Variants in ASIC1 observed in about 807,000 individuals in gnomAD.
ASIC1 encodes acid sensing ion channel subunit 1.
Under a neutral mutation model 63.4 loss-of-function variants are expected in ASIC1, and 21 were observed. The ratio of observed to expected loss-of-function variants is 0.33; its 90% CI spans 0.23 to 0.48. The LOEUF is 0.48. Among genes scored for constraint, ASIC1 ranks in the 20% least tolerant of loss-of-function variants. The pLI is 0.99. For missense variants in ASIC1, 478 were observed against 695.5 expected (o/e 0.69, Z 3.52); for synonymous variants, 258 against 278.2 (o/e 0.93, Z 0.72).
intron 9 of ASIC1, 165 bp downstream of exon 9, chr12:50,080,754 C>T: frequency 6.3e-7 from 1 of 1,588,190 alleles, no homozygotes. Flanking sequence ...GGGAACTGAG[C>T]CTTCTCTTAG....
rs757044510 is a variant in ASIC1 at position 50,079,993 on chromosome 12, C to T, written c.1143C>T (p.Ile381=). The change falls in exon 8 of 12, where the codon ATC becomes ATT. Residue 381 remains isoleucine, a synonymous_variant. Transcript: ENST00000447966. The part of the protein sequence containing the change: ...RYGKELSMVK[I]PSKASAKYLA... ...GCAAAGAGCTGTCCATGGTCAAGAT[C>T]CCCAGCAAAGCCTCAGCCAAGTACC... 6.2e-7 allele frequency: 1 copy of T among 1,614,076 alleles called. No homozygotes were observed. The highest frequency in any genetic ancestry group is 1.3e-5 in the African/African-American group (1 of 75,012).
intron 3 of ASIC1, among the ~76,000 whole-genome samples, chr12:50,066,803 T>C (rs1174667054): frequency 1.3e-5 from 2 of 152,298 alleles, no homozygotes; most frequent in South Asian, 2.1e-4. Flanking sequence ...CTTACTTCAC[T>C]GAGAAAATAG....
intron 3 of ASIC1, among the ~76,000 whole-genome samples, chr12:50,070,459 C>A (rs1950588441): frequency 1.3e-5 from 2 of 151,502 alleles, no homozygotes; most frequent in South Asian, 2.1e-4. Flanking sequence ...GGCTGCGTGT[C>A]TGTGTGGTAA....
At chr12:50,076,081 G>C (rs1226721965) in intron 3 of ASIC1, among the ~76,000 whole-genome samples, 1 of 152,194 alleles carries the variant, frequency 6.6e-6, no homozygotes, top group Non-Finnish European at 1.5e-5. Flanking sequence ...TGTGGTCCTT[G>C]GCATGGCAAC....
Position 50,078,837 on chromosome 12 carries a change from G to C in ASIC1, c.995-87G>C. 1 of 1,493,222 alleles carries C rather than the reference G, an allele frequency of 6.7e-7. No individual in the cohort carries two copies. The highest frequency in any genetic ancestry group is 1.1e-5 in the South Asian group (1 of 88,328). The allele number at this position is 1,493,222 out of a possible 1,614,324, so 92.5% of individuals were successfully genotyped here. A position where few individuals can be genotyped will look rare whatever the true frequency, so the allele number is the denominator to read the frequency against. ...AGTCCTCCCTTCCCATCTTCTCCCAGCTTACACCTTCTAGGCCTTTGGTAC... is the reference window on the plus strand; with the variant it reads ...AGTCCTCCCTTCCCATCTTCTCCCACCTTACACCTTCTAGGCCTTTGGTAC... On this transcript the variant is annotated intron_variant, in intron 6 of 11. Transcript: ENST00000447966. This position sits in a 1 kb window ranked among gnomAD's most constrained non-coding sequence, Gnocchi z 6.0.
At chr12:50,062,002 G>GT (rs1170671031) in intron 3 of ASIC1, among the ~76,000 whole-genome samples, 4 of 152,262 alleles carry the variant, frequency 2.6e-5, no homozygotes, top group Admixed American at 2.0e-4. Flanking sequence ...GGAAGACCAG[G>GT]TTTTTGCTGT....
In ASIC1 at chr12:50,078,231, T is replaced by C; in HGVS notation, c.837+104T>C. On this transcript the variant is annotated intron_variant, in intron 5 of 11. Coordinates refer to ENST00000447966, the MANE Select transcript of ASIC1 (RefSeq NM_001095.4). The surrounding 1 kb of genome is among the most constrained non-coding windows in gnomAD (Gnocchi z 6.0). ...AAGGACAGGTGAGCAAGGACCTGGG[T>C]GGTAATCTGGCTAGTCAGAAGCATG... 6.5e-7 allele frequency: 1 copy of C among 1,532,660 alleles called. No individual in the cohort carries two copies. The highest frequency in any genetic ancestry group is 8.8e-7 in the Non-Finnish European group (1 of 1,139,894). 94.9% of individuals were successfully genotyped at this position (1,532,660 alleles called of 1,614,324 possible).
At position 50,059,750 on chromosome 12, in the gene ASIC1, G is replaced by A. The variant is rs1204311936; in HGVS notation, c.363-9G>A. 1 of 1,611,096 alleles carries A rather than the reference G, an allele frequency of 6.2e-7. No individual in the cohort carries two copies. Among genetic ancestry groups the A allele is most frequent in the Non-Finnish European group, 8.5e-7 (1 of 1,178,552 alleles). On this transcript the variant is annotated splice_polypyrimidine_tract_variant and intron_variant, in intron 2 of 11. Transcript: ENST00000447966. The surrounding 1 kb of genome is among the most constrained non-coding windows in gnomAD (Gnocchi z 4.6). ...ACTGACCCGTGTGTCACTCACCCCC[G>A]GACCCCAGGTATGAGATACCAGACA...
chr12:50,065,528 G>A (rs75093580), intron 3 of ASIC1, among the ~76,000 whole-genome samples: 4,379 of 152,286 alleles, frequency 0.029, 72 homozygotes, highest in Middle Eastern at 0.082. Context: ...GATGTGCAGC[G>A]CCAACCTACC....
In ASIC1 at chr12:50,074,190, G is replaced by A; in HGVS notation, c.559-3023G>A. 1 of 1,531,450 alleles carries A rather than the reference G, an allele frequency of 6.5e-7. No individual in the cohort carries two copies. Among genetic ancestry groups the A allele is most frequent in the Non-Finnish European group, 8.7e-7 (1 of 1,144,360 alleles). 94.9% of individuals were successfully genotyped at this position (1,531,450 alleles called of 1,614,324 possible). A position where few individuals can be genotyped will look rare whatever the true frequency, so the allele number is the denominator to read the frequency against. On this transcript the variant is annotated intron_variant, in intron 3 of 11. Transcript: ENST00000447966. This position sits in a 1 kb window ranked among gnomAD's most constrained non-coding sequence, Gnocchi z 4.2. Reference sequence around the variant, plus strand: ...GCTCCTGCCACCGGCTGGAGGACATGCTGCTCTATTGCTCCTACCAAGGGG... The same window carrying A: ...GCTCCTGCCACCGGCTGGAGGACATACTGCTCTATTGCTCCTACCAAGGGG...
intron 3 of ASIC1, among the ~76,000 whole-genome samples, chr12:50,066,343 G>A (rs1291934556): frequency 2.0e-5 from 3 of 152,048 alleles, no homozygotes; most frequent in South Asian, 2.1e-4. Context: ...TTCTAAGTCC[G>A]GGTTCTTTGT....
rs528989773 is a variant in ASIC1, at chr12:50,078,065, G to A, written c.775G>A (p.Asp259Asn). The part of the protein sequence containing the change: ...IHSQDEPPFI[D>N]QLGFGVAPGF... The stretch of plus-strand genomic sequence containing the variant: ...TAGTCAGGATGAACCTCCTTTCATC[G>A]ACCAGCTGGGCTTTGGCGTGGCCCC... Residue 259 changes from aspartate to asparagine, a missense_variant, in exon 5 of 12, where the codon GAC becomes AAC. This residue lies in a region of ASIC1 where 290 missense variants were observed against 414.9 expected (regional missense o/e 0.70). Coordinates refer to ENST00000447966, the MANE Select transcript of ASIC1 (RefSeq NM_001095.4). The surrounding 1 kb of genome is among the most constrained non-coding windows in gnomAD (Gnocchi z 6.0). 7.5e-5 allele frequency: 121 copies of A among 1,614,042 alleles called. No individual in the cohort carries two copies. Among genetic ancestry groups the A allele is most frequent in the Non-Finnish European group, 9.8e-5 (116 of 1,179,964 alleles).
rs1950635762 is a variant in ASIC1, at chr12:50,074,718, A to T, written c.559-2495A>T. On this transcript the variant is annotated intron_variant, in intron 3 of 11. Coordinates refer to ENST00000447966, the MANE Select transcript of ASIC1 (RefSeq NM_001095.4). This position sits in a 1 kb window ranked among gnomAD's most constrained non-coding sequence, Gnocchi z 4.2. ...TCTGGTGGTACAAGAGAAGGGAGTG[A>T]AAGGGTGACAGTAGAGGGGTGGGGA... 6.6e-6 allele frequency among the ~76,000 whole-genome samples: 1 copy of T among 152,036 alleles called. No individual in the cohort carries two copies. Among genetic ancestry groups the T allele is most frequent in the Non-Finnish European group, 1.5e-5 (1 of 67,996 alleles).
In ASIC1 at chr12:50,071,266, C is replaced by CTTTTTTT. The variant is rs34556615; in HGVS notation, c.559-5935_559-5929dup. ...GAGGTGGAGGGTACATTGCTTTCAG[C>CTTTTTTT]TTTTTTTTTTTTTTTTTTGAGACGG... On this transcript the variant is annotated intron_variant, in intron 3 of 11. Transcript: ENST00000447966. Among the ~76,000 whole-genome samples the CTTTTTTT allele has an allele frequency of 1.3e-4, 15 of 119,804 alleles. 1 individual carries two copies. In the East Asian group the frequency reaches 2.7e-3, roughly 21 times the overall value. The allele number at this position is 119,804 out of a possible 152,430, so 78.6% of individuals were successfully genotyped here. A position where few individuals can be genotyped will look rare whatever the true frequency, so the allele number is the denominator to read the frequency against.
At chr12:50,065,498 A>G (rs1211876520) in intron 3 of ASIC1, among the ~76,000 whole-genome samples, 1 of 152,246 alleles carries the variant, frequency 6.6e-6, no homozygotes, top group African/African-American at 2.4e-5. Context: ...GGCCAAGCCC[A>G]CGGTGCCCCA....
Position 50,081,160 on chromosome 12 carries a change from G to A in ASIC1, c.1356G>A (p.Glu452=), listed in dbSNP as rs1211059132. The A allele has an allele frequency of 6.2e-7, 1 of 1,612,614 alleles. No individual in the cohort carries two copies. Reference sequence around the variant, plus strand: ...GGGCCAGCATCCTCACGGTGCTGGAGCTCTTTGACTACGCCTACGAGGTAA... The same window carrying A: ...GGGCCAGCATCCTCACGGTGCTGGAACTCTTTGACTACGCCTACGAGGTAA... The part of the protein sequence containing the change: ...FIGASILTVL[E]LFDYAYEVIK... The change falls in exon 10 of 12, where the codon GAG becomes GAA. Residue 452 remains glutamate, a synonymous_variant. Transcript: ENST00000447966.
chr12:50,070,340 G>A (rs1391631254), intron 3 of ASIC1, among the ~76,000 whole-genome samples: 1 of 152,098 alleles, frequency 6.6e-6, no homozygotes, highest in Admixed American at 6.5e-5. Flanking sequence ...ATGGAGGAGA[G>A]AGGACATGCA....
In ASIC1 at chr12:50,077,984, C is replaced by T; in HGVS notation, c.710-16C>T. The T allele has an allele frequency of 6.2e-7, 1 of 1,602,396 alleles. No individual in the cohort carries two copies. The highest frequency in any genetic ancestry group is 8.5e-7 in the Non-Finnish European group (1 of 1,173,826). On this transcript the variant is annotated splice_polypyrimidine_tract_variant and intron_variant, in intron 4 of 11. Transcript: ENST00000447966. ...GTCAGGAGCCCTCCCAACCCACACA[C>T]TCCTCATTCCCCTAGACGAGACGTC...
Position 50,058,892 on chromosome 12 carries a change from G to T in ASIC1, c.126G>T (p.Lys42Asn). ...TCTCCTACGAGCGGCTGTCTCTGAA[G>T]CGGGCACTGTGGGCCCTGTGCTTCC... ...HIFSYERLSLKRALWALCFLG... is the reference protein window; with the variant it reads ...HIFSYERLSLNRALWALCFLG... The change falls in exon 2 of 12, where the codon AAG (lysine) becomes AAT (asparagine). Residue 42 changes from lysine to asparagine, a missense_variant. Coordinates refer to ENST00000447966, the MANE Select transcript of ASIC1 (RefSeq NM_001095.4). 1 of 1,614,140 alleles carries T rather than the reference G, an allele frequency of 6.2e-7. No homozygotes were observed. Among genetic ancestry groups the T allele is most frequent in the Non-Finnish European group, 8.5e-7 (1 of 1,180,018 alleles).
Sources: gnomAD v4.1 joint callset for allele counts (sites outside exome capture counted in the v4.1 genomes callset) on GRCh38, gnomAD v4.1.1 for gene constraint, gnomAD v4.1.1 regional missense constraint, Gnocchi (gnomAD v3.1) non-coding constraint, MANE v1.5 for transcripts, NCBI Gene and HGNC (gene_info 2026-07-23, HGNC 2026-07-21) for gene names.